ZNF143: variants seen among roughly 807,000 people sequenced by gnomAD.
ZNF143 encodes the protein zinc finger protein 143.
Under a neutral mutation model 74.1 loss-of-function variants are expected in ZNF143, and 49 were observed. The observed-to-expected ratio is 0.66, with a 90% CI of 0.53 to 0.84. ZNF143 has a LOEUF of 0.84. Ranked by LOEUF, ZNF143 falls within the 40% of genes least tolerant of loss-of-function variation. The pLI is 0.00. For synonymous variants in ZNF143, 304 were observed against 282.8 expected (o/e 1.07, Z -0.75); for missense variants, 637 against 793.4 (o/e 0.80, Z 2.37).
At position 9,478,409 on chromosome 11, in the gene ZNF143, A is replaced by G; in HGVS notation, c.393A>G (p.Ala131=). The G allele has an allele frequency of 6.2e-7, 1 of 1,614,104 alleles. No individual in the cohort carries two copies. Among genetic ancestry groups the G allele is most frequent in the Non-Finnish European group, 8.5e-7 (1 of 1,179,964 alleles). Reference sequence around the variant, plus strand: ...TCTCAGATAGTTATGACCAGAGTGCATTACAGGCGGTTCAGCTGGAAGATG... The same window carrying G: ...TCTCAGATAGTTATGACCAGAGTGCGTTACAGGCGGTTCAGCTGGAAGATG... The part of the protein sequence containing the change: ...HTSKDSYDQS[A]LQAVQLEDGT... Residue 131 remains alanine (A), a synonymous_variant, in exon 6 of 16, where the codon GCA becomes GCG. Coordinates refer to ENST00000396602, the MANE Select transcript of ZNF143 (RefSeq NM_003442.6).
intron 13 of ZNF143, among the ~76,000 whole-genome samples, chr11:9,515,938 T>C (rs1470402363): frequency 6.6e-6 from 1 of 151,916 alleles, no homozygotes; most frequent in Non-Finnish European, 1.5e-5. Context: ...TGATTTATGA[T>C]TGCATCACTG....
At chr11:9,472,628 A>G (rs1590508424) in intron 2 of ZNF143, 49 bp from the exon 3 acceptor site, 2 of 1,467,284 alleles carry the variant, frequency 1.4e-6, no homozygotes, top group African/African-American at 2.8e-5. Flanking sequence ...ATTAATCAGC[A>G]TGTCCATATG....
At chr11:9,471,446 C>G (rs200952555) in intron 2 of ZNF143, 26 bp downstream of exon 2, 7 of 1,482,522 alleles carry the variant, frequency 4.7e-6, no homozygotes, top group Non-Finnish European at 6.4e-6. Context: ...TGAAGGGATG[C>G]GTTTGAAAAT....
rs148085215 is a variant in ZNF143, at chr11:9,491,233, A to T, written c.646-3413A>T. Among the ~76,000 whole-genome samples, 48 of 151,982 alleles carry T rather than the reference A, an allele frequency of 3.2e-4. No homozygotes were observed. In the East Asian group the frequency reaches 8.9e-3, roughly 28 times the overall value. On this transcript the variant is annotated intron_variant, in intron 7 of 15. Coordinates refer to ENST00000396602, the MANE Select transcript of ZNF143 (RefSeq NM_003442.6). The stretch of plus-strand genomic sequence containing the variant: ...GACTCCAGTCTCTTAAAATGAAACA[A>T]GAAAAAGATACATTTTACATACTTT...
At chr11:9,477,232 T>TCCTTCCCTC (rs1856983124) in intron 5 of ZNF143, among the ~76,000 whole-genome samples, 1 of 124,164 alleles carries the variant, frequency 8.1e-6, no homozygotes, top group Non-Finnish European at 1.7e-5. Flanking sequence ...TTCCTTCCCT[T>TCCTTCCCTC]CCTTCCCTTC....
intron 7 of ZNF143, among the ~76,000 whole-genome samples, chr11:9,493,288 T>A (rs983246378): frequency 6.6e-6 from 1 of 152,004 alleles, no homozygotes; most frequent in Admixed American, 6.6e-5. Flanking sequence ...GCCAGGATGG[T>A]CTCGATCTCT....
Position 9,486,346 on chromosome 11 carries a change from T to TATATATTATATATATTATATATATA in ZNF143, c.645+6815_645+6816insTATATATATAATATATTATATATAT, listed in dbSNP as rs1847474643. Among the ~76,000 whole-genome samples, 4 of 56,250 alleles carry TATATATTATATATATTATATATATA rather than the reference T, an allele frequency of 7.1e-5. 1 individual carries two copies. The highest frequency in any genetic ancestry group is 1.4e-4 in the Non-Finnish European group (4 of 29,292). 36.9% of individuals were successfully genotyped at this position (56,250 alleles called of 152,430 possible). On this transcript the variant is annotated intron_variant, in intron 7 of 15. Coordinates refer to ENST00000396602, the MANE Select transcript of ZNF143 (RefSeq NM_003442.6). ...GGTCCTAGGCGCTAATTATATTATA[T>TATATATTATATATATTATATATATA]ATATATTATATATATATTATATATA...
chr11:9,508,890 C>A, intron 12 of ZNF143, 44 bp downstream of exon 12: 1 of 1,521,350 alleles, frequency 6.6e-7, no homozygotes, highest in Non-Finnish European at 8.9e-7. Context: ...GTTTGAGAAT[C>A]AACAGTTATG....
At chr11:9,486,396 A>AATATATATAAT (rs1554964417) in intron 7 of ZNF143, among the ~76,000 whole-genome samples, 1,286 of 11,698 alleles carry the variant, frequency 0.11, 67 homozygotes, top group Non-Finnish European at 0.18. Context: ...TAATATATAT[A>AATATATATAAT]ATATATTATA....
intron 12 of ZNF143, among the ~76,000 whole-genome samples, chr11:9,510,066 C>G (rs1286330239): frequency 6.6e-6 from 1 of 151,896 alleles, no homozygotes; most frequent in Non-Finnish European, 1.5e-5. Flanking sequence ...TCTAAGCTTC[C>G]TCAAGTCTCT....
chr11:9,522,881 C>T (rs1355987526), intron 14 of ZNF143, among the ~76,000 whole-genome samples: 1 of 151,954 alleles, frequency 6.6e-6, no homozygotes, highest in African/African-American at 2.4e-5. Flanking sequence ...CCTCCCTCAG[C>T]CTCCCGAGTA....
chr11:9,500,062 C>T (rs1839070278), intron 10 of ZNF143, among the ~76,000 whole-genome samples: 1 of 152,152 alleles, frequency 6.6e-6, no homozygotes, highest in Non-Finnish European at 1.5e-5. Flanking sequence ...CCCATCTCAC[C>T]CTCCCGAGTA....
Position 9,481,141 on chromosome 11 carries a change from A to G in ZNF143, c.645+1595A>G, listed in dbSNP as rs533932661. 6.8e-4 allele frequency among the ~76,000 whole-genome samples: 104 copies of G among 152,180 alleles called. No individual in the cohort carries two copies. The South Asian group carries it at 0.013, about 19-fold the overall frequency. On this transcript the variant is annotated intron_variant, in intron 7 of 15. Coordinates refer to ENST00000396602, the MANE Select transcript of ZNF143 (RefSeq NM_003442.6). ...GGTGGCTCACACCTGTAATCACAAT[A>G]CTTTGAGAGGCTGAGGTGGGAAGAT...
At chr11:9,504,488 A>ATTT (rs1848282667) in intron 11 of ZNF143, among the ~76,000 whole-genome samples, 1 of 125,604 alleles carries the variant, frequency 8.0e-6, no homozygotes. Context: ...GCAGTATAGA[A>ATTT]GCTTTTAATT....
At chr11:9,491,699 C>T (rs1847785429) in intron 7 of ZNF143, among the ~76,000 whole-genome samples, 1 of 152,048 alleles carries the variant, frequency 6.6e-6, no homozygotes, top group South Asian at 2.1e-4. Context: ...GGCACAAATA[C>T]AGCTCGCTGC....
At position 9,496,388 on chromosome 11, in the gene ZNF143, T is replaced by G; in HGVS notation, c.841+10T>G. ...AAGGCATTTGCAACAGGTAAAAGTA[T>G]GAATTTTGTTTTTTTCTTGGTTCCA... is the stretch of plus-strand genomic sequence containing the variant. On this transcript the variant is annotated intron_variant, in intron 9 of 15. Coordinates refer to ENST00000396602, the MANE Select transcript of ZNF143 (RefSeq NM_003442.6). The G allele has an allele frequency of 3.7e-6, 6 of 1,613,806 alleles. No individual in the cohort carries two copies. Among genetic ancestry groups the G allele is most frequent in the Non-Finnish European group, 5.1e-6 (6 of 1,179,838 alleles).
rs61636956 is a variant in ZNF143 at position 9,475,910 on chromosome 11, ATGTGTGTGTG to A, written c.373+1313_373+1322del. 9.7e-3 allele frequency among the ~76,000 whole-genome samples: 1,331 copies of A among 137,364 alleles called. 16 individuals are homozygous for A. The highest frequency in any genetic ancestry group is 0.022 in the African/African-American group (802 of 36,260). 90.1% of individuals were successfully genotyped at this position (137,364 alleles called of 152,430 possible). On this transcript the variant is annotated intron_variant, in intron 5 of 15. Coordinates refer to ENST00000396602, the MANE Select transcript of ZNF143 (RefSeq NM_003442.6). ...GAGACCCTGTCTCAAAAAAATATAT[ATGTGTGTGTG>A]TGTGTGTGTGTGTGTGTGTGTGTGT...
rs762809515 is a variant in ZNF143, at chr11:9,497,187, T to C, written c.842-488T>C. 2.0e-4 allele frequency among the ~76,000 whole-genome samples: 30 copies of C among 152,322 alleles called. 1 individual carries two copies. The highest frequency in any genetic ancestry group is 1.9e-4 in the East Asian group (1 of 5,184). ...CCTCTTTTAGACAGAAATGAAACTA[T>C]TGAATTTTCAGCATGGCAGTCCCGA... is the stretch of plus-strand genomic sequence containing the variant. On this transcript the variant is annotated intron_variant, in intron 9 of 15. Transcript: ENST00000396602.
intron 5 of ZNF143, among the ~76,000 whole-genome samples, chr11:9,476,352 A>G (rs1856888670): frequency 6.6e-6 from 1 of 152,076 alleles, no homozygotes; most frequent in Non-Finnish European, 1.5e-5. Flanking sequence ...TTACTACTTT[A>G]GAGAATATTT....
Sources: allele counts gnomAD v4.1 joint callset (sites outside exome capture counted in the v4.1 genomes callset), GRCh38; gene constraint gnomAD v4.1.1; transcripts MANE v1.5; gene names NCBI Gene and HGNC (gene_info 2026-07-23, HGNC 2026-07-21).